Variants in RBPJ observed in about 807,000 individuals in gnomAD.
RBPJ encodes the protein recombination signal binding protein for immunoglobulin kappa J region.
Under a neutral mutation model 67.8 loss-of-function variants are expected in RBPJ, and 9 were observed. That is an observed-to-expected ratio of 0.13 (90% CI 0.08 to 0.23). RBPJ has a LOEUF of 0.23. Among genes scored for constraint, RBPJ ranks in the 10% least tolerant of loss-of-function variants. RBPJ has a pLI of 1.00. For missense variants in RBPJ, 305 were observed against 595.6 expected (o/e 0.51, Z 5.08); for synonymous variants, 198 against 203.3 (o/e 0.97, Z 0.22).
intron 1 of RBPJ, among the ~76,000 whole-genome samples, chr4:26,246,414 A>G (rs1413584853): frequency 1.3e-5 from 2 of 152,218 alleles, no homozygotes; most frequent in Admixed American, 1.3e-4. Context: ...ATAACATTTA[A>G]GAATGTAAGG....
At chr4:26,353,929 T>G (rs1346117315) in intron 1 of RBPJ, among the ~76,000 whole-genome samples, 1 of 150,442 alleles carries the variant, frequency 6.6e-6, no homozygotes, top group African/African-American at 2.5e-5. Flanking sequence ...TCTTTTGTTT[T>G]TTTGTTTGTT....
chr4:26,218,721 G>A (rs1245729718), intron 1 of RBPJ, among the ~76,000 whole-genome samples: 1 of 152,090 alleles, frequency 6.6e-6, no homozygotes, highest in Admixed American at 6.6e-5. Flanking sequence ...CACACAGCAG[G>A]CATTCAATAA....
chr4:26,413,545 A>G (rs984207932), intron 3 of RBPJ, among the ~76,000 whole-genome samples: 6 of 152,216 alleles, frequency 3.9e-5, no homozygotes, highest in Non-Finnish European at 8.8e-5. Flanking sequence ...CTCAGGATAT[A>G]ATAAATAATT....
intron 1 of RBPJ, among the ~76,000 whole-genome samples, chr4:26,293,089 A>G (rs1453093426): frequency 6.7e-6 from 1 of 150,350 alleles, no homozygotes; most frequent in African/African-American, 2.5e-5. Context: ...ATGGGAGAGT[A>G]GGCTGGAAAG....
chr4:26,258,405 G>C (rs576808419), intron 1 of RBPJ, among the ~76,000 whole-genome samples: 2 of 152,296 alleles, frequency 1.3e-5, no homozygotes, highest in East Asian at 1.9e-4. Flanking sequence ...TTGGGTGCGT[G>C]AATAGATGTA....
chr4:26,405,099 T>A (rs1733258728), intron 2 of RBPJ, among the ~76,000 whole-genome samples: 1 of 152,220 alleles, frequency 6.6e-6, no homozygotes, highest in Non-Finnish European at 1.5e-5. Flanking sequence ...ATATAAATGC[T>A]GTTATTAGGT....
At chr4:26,319,601 A>G (rs1436154378), upstream of RBPJ, 8 of 564,380 alleles carry the variant, frequency 1.4e-5, no homozygotes, top group Non-Finnish European at 2.5e-5. Flanking sequence ...CTTAGGCAAC[A>G]GGGGCACGTT....
intron 1 of RBPJ, chr4:26,323,069 G>A (rs1387767499): frequency 6.6e-6 from 1 of 151,046 alleles, no homozygotes; most frequent in Non-Finnish European, 1.5e-5. Flanking sequence ...TTGGAGCATT[G>A]GAAAATACTT....
chr4:26,344,748 C>T (rs572691574), intron 1 of RBPJ, among the ~76,000 whole-genome samples: 9 of 152,156 alleles, frequency 5.9e-5, no homozygotes. Context: ...TGCTCCCCAC[C>T]CCACCTCAAA....
the RBPJ span, among the ~76,000 whole-genome samples, chr4:26,122,875 A>G: frequency 4.6e-5 from 7 of 152,174 alleles, no homozygotes; most frequent in African/African-American, 1.7e-4. Flanking sequence ...TTGTGTTCCA[A>G]TAAAACTTTA....
intron 1 of RBPJ, among the ~76,000 whole-genome samples, chr4:26,332,845 C>T (rs1233834381): frequency 1.3e-5 from 2 of 152,180 alleles, no homozygotes; most frequent in African/African-American, 4.8e-5. Context: ...CGGAGTCTCT[C>T]ACTGTGATGC....
chr4:26,169,210 T>G (rs1312838506), intron 1 of RBPJ, among the ~76,000 whole-genome samples: 3 of 152,154 alleles, frequency 2.0e-5, no homozygotes, highest in Non-Finnish European at 4.4e-5. Flanking sequence ...TTTTATCTAC[T>G]TTTGGTCTTT....
Position 26,424,313 on chromosome 4 carries a change from C to A in RBPJ, c.497-29C>A. 6.2e-7 allele frequency: 1 copy of A among 1,609,368 alleles called. No individual in the cohort carries two copies. Among genetic ancestry groups the A allele is most frequent in the Non-Finnish European group, 8.5e-7 (1 of 1,177,424 alleles). ...CCCTCCCCACCTTCTGCTCCAATCA[C>A]ATAAATAAGAGCTGTTTTTTCTTTG... On this transcript the variant is annotated intron_variant, in intron 5 of 10. Transcript: ENST00000355476. The surrounding 1 kb of genome is among the most constrained non-coding windows in gnomAD (Gnocchi z 5.3).
In RBPJ at chr4:26,264,661, C is replaced by T. The variant is rs1023202230; in HGVS notation, c.-166-97785C>T. Among the ~76,000 whole-genome samples the T allele has an allele frequency of 1.2e-4, 19 of 152,188 alleles. No homozygotes were observed. The highest frequency in any genetic ancestry group is 4.3e-4 in the African/African-American group (18 of 41,436). ...CCATCTAGCCACACTGAAACACTGG[C>T]ACTCGTCCCAAAAGCACCATGCCCT... On this transcript the variant is annotated intron_variant, in intron 1 of 4. Coordinates refer to the RBPJ transcript ENST00000512351. This position sits in a 1 kb window ranked among gnomAD's most constrained non-coding sequence, Gnocchi z 4.1.
chr4:26,280,339 T>C (rs901626913), intron 1 of RBPJ, among the ~76,000 whole-genome samples: 6 of 141,686 alleles, frequency 4.2e-5, no homozygotes, highest in Non-Finnish European at 9.0e-5. Flanking sequence ...GAGGTTGCAG[T>C]GAGCCGAGAT....
chr4:26,356,403 G>A (rs771439954), intron 1 of RBPJ, among the ~76,000 whole-genome samples: 1 of 152,214 alleles, frequency 6.6e-6, no homozygotes, highest in Non-Finnish European at 1.5e-5. Context: ...AAGTAGGAGA[G>A]TGAATCTGTT....
chr4:26,212,833 C>T (rs971179797), intron 1 of RBPJ, among the ~76,000 whole-genome samples: 32 of 152,086 alleles, frequency 2.1e-4, no homozygotes, highest in Admixed American at 5.9e-4. Flanking sequence ...CATCAGTGTC[C>T]ATCCTTCATG....
chr4:26,225,106 T>C (rs1719037095), intron 1 of RBPJ, among the ~76,000 whole-genome samples: 1 of 152,206 alleles, frequency 6.6e-6, no homozygotes, highest in African/African-American at 2.4e-5. Flanking sequence ...ATGTATAATA[T>C]AAATGAAAAC....
At position 26,432,346 on chromosome 4, in the gene RBPJ, CAGAT is replaced by C. The variant is rs1486442097; in HGVS notation, c.*1342_*1345del. 6 of 152,198 alleles carry C rather than the reference CAGAT, an allele frequency of 3.9e-5. No homozygotes were observed. Among genetic ancestry groups the C allele is most frequent in the Non-Finnish European group, 7.3e-5 (5 of 68,038 alleles). The allele number at this position is 152,198 out of a possible 1,614,324, so 9.4% of individuals were successfully genotyped here. ...TAGCTGGAAGACAGTACTTTAGAAA[CAGAT>C]AGTTGTAAGATTATAAAATGCAAAT... On this transcript the variant is annotated 3_prime_UTR_variant, in exon 11 of 11. Transcript: ENST00000355476.
Sources: gnomAD v4.1 joint callset for allele counts (sites outside exome capture counted in the v4.1 genomes callset) on GRCh38, gnomAD v4.1.1 for gene constraint, Gnocchi (gnomAD v3.1) non-coding constraint, MANE v1.5 for transcripts, NCBI Gene and HGNC (gene_info 2026-07-23, HGNC 2026-07-21) for gene names.